The following MEIS2 variants were observed in gnomAD, a reference collection of about 807,000 sequenced individuals.
MEIS2 encodes the protein Meis homeobox 2, also known as homeobox protein Meis2.
A neutral mutation model predicts 58.6 loss-of-function variants in MEIS2; 9 were observed. The ratio of observed to expected loss-of-function variants is 0.15; its 90% confidence interval spans 0.09 to 0.27. MEIS2 has a LOEUF of 0.27. Among genes scored for constraint, MEIS2 ranks in the 10% least tolerant of loss-of-function variants. The pLI is 1.00. For synonymous variants in MEIS2, 221 were observed against 228.4 expected (o/e 0.97, Z 0.29); for missense variants, 427 against 635.0 (o/e 0.67, Z 3.52).
At chr15:36,908,523 A>AT (rs2056850925) in intron 9 of MEIS2, among the ~76,000 whole-genome samples, 1 of 152,208 alleles carries the variant, frequency 6.6e-6, no homozygotes, top group Admixed American at 6.5e-5. Flanking sequence ...ATTTGAAAGA[A>AT]TTTTTACAGC....
At chr15:37,009,941 G>A (rs543878840) in intron 8 of MEIS2, among the ~76,000 whole-genome samples, 2 of 152,272 alleles carry the variant, frequency 1.3e-5, no homozygotes, top group East Asian at 3.9e-4. Context: ...AATAAAAGCA[G>A]AATAAGTGAA....
chr15:37,099,141 G>A, intron 1 of MEIS2: 2 of 1,145,204 alleles, frequency 1.7e-6, no homozygotes, highest in Non-Finnish European at 2.1e-6. Context: ...GTAAAAGCTG[G>A]AGCGAGGCGA....
At chr15:37,098,462 T>G in intron 1 of MEIS2, 4 of 1,055,272 alleles carry the variant, frequency 3.8e-6, no homozygotes, top group East Asian at 3.4e-5. Flanking sequence ...AGGAGAAAAG[T>G]ACCGAGCACA....
chr15:37,083,806 T>C lies in MEIS2; in HGVS notation c.719A>G (p.His240Arg), dbSNP rs765363630. 3.1e-6 allele frequency: 5 copies of C among 1,614,044 alleles called. No homozygotes were observed. In the Admixed American group the frequency reaches 5.0e-5, roughly 16 times the overall value. ...GCTGTTGTCTCCGCTCTGGGAAGCA[T>C]GGCCCCCACTGGAGGGCCCTGGGGT... is the stretch of plus-strand genomic sequence containing the variant. ...AGTPGPSSGGHASQSGDNSSE... is the reference protein window; with the variant it reads ...AGTPGPSSGGRASQSGDNSSE... Residue 240 changes from histidine (H) to arginine (R), a missense_variant, in exon 7 of 12, where the codon CAT becomes CGT. Transcript: ENST00000561208.
chr15:36,949,931 C>T (rs1378935784), intron 9 of MEIS2, among the ~76,000 whole-genome samples: 2 of 151,892 alleles, frequency 1.3e-5, no homozygotes, highest in African/African-American at 2.4e-5. Context: ...ACAAAAGAAT[C>T]CTTTCCAGAA....
intron 8 of MEIS2, among the ~76,000 whole-genome samples, chr15:36,963,795 T>G (rs1431755922): frequency 6.6e-6 from 1 of 152,216 alleles, no homozygotes; most frequent in African/African-American, 2.4e-5. Flanking sequence ...AGATTGAAAT[T>G]AGCATTTTGG....
At chr15:36,996,325 G>A (rs1296028538) in intron 8 of MEIS2, among the ~76,000 whole-genome samples, 1 of 152,024 alleles carries the variant, frequency 6.6e-6, no homozygotes. Flanking sequence ...AGAATGTGGG[G>A]CAGCTTTGGG....
chr15:36,939,176 C>T (rs2058286163), intron 9 of MEIS2, among the ~76,000 whole-genome samples: 2 of 152,100 alleles, frequency 1.3e-5, no homozygotes, highest in South Asian at 2.1e-4. Flanking sequence ...TAATAGCTAC[C>T]CTCTCACCTC....
intron 8 of MEIS2, among the ~76,000 whole-genome samples, chr15:36,973,675 T>G (rs554226475): frequency 6.6e-6 from 1 of 152,076 alleles, no homozygotes. Flanking sequence ...TAATAAGAGT[T>G]GAAAAAATAA....
At chr15:36,933,523 T>C (rs922857414) in intron 9 of MEIS2, among the ~76,000 whole-genome samples, 4 of 151,818 alleles carry the variant, frequency 2.6e-5, no homozygotes, top group Admixed American at 1.3e-4. Flanking sequence ...GAGATAATCC[T>C]TTTTAATGAA....
intron 8 of MEIS2, among the ~76,000 whole-genome samples, chr15:36,951,709 T>C (rs1233510310): frequency 1.3e-5 from 2 of 152,140 alleles, no homozygotes; most frequent in Non-Finnish European, 2.9e-5. Flanking sequence ...CAAAGAAAGA[T>C]GATAATGTTG....
At chr15:37,019,324 G>C (rs945682604) in intron 8 of MEIS2, among the ~76,000 whole-genome samples, 1 of 151,986 alleles carries the variant, frequency 6.6e-6, no homozygotes, top group African/African-American at 2.4e-5. Flanking sequence ...GTGTAGAAGA[G>C]GCATAAGAAC....
At chr15:36,963,736 C>T (rs1365821401) in intron 8 of MEIS2, among the ~76,000 whole-genome samples, 1 of 152,090 alleles carries the variant, frequency 6.6e-6, no homozygotes, top group Non-Finnish European at 1.5e-5. Flanking sequence ...CTGCCTCATC[C>T]CAGGCGAGAT....
At chr15:37,055,977 A>G (rs918505338) in intron 7 of MEIS2, among the ~76,000 whole-genome samples, 4 of 152,226 alleles carry the variant, frequency 2.6e-5, no homozygotes, top group African/African-American at 4.8e-5. Flanking sequence ...ATCAGTGAAT[A>G]TCTTTATTAG....
At chr15:36,991,002 T>A (rs189868336) in intron 8 of MEIS2, among the ~76,000 whole-genome samples, 1 of 152,282 alleles carries the variant, frequency 6.6e-6, no homozygotes. Flanking sequence ...AGGGCATGTA[T>A]AACTATTTTT....
chr15:37,093,753 G>C (rs1893842353), intron 5 of MEIS2, 23 bp from the exon 6 acceptor site: 3 of 1,613,034 alleles, frequency 1.9e-6, no homozygotes, highest in Non-Finnish European at 2.5e-6. Flanking sequence ...TCATGGTGGA[G>C]GGTTTAGCTC....
chr15:36,943,391 T>C (rs2058442929), intron 9 of MEIS2, among the ~76,000 whole-genome samples: 1 of 152,138 alleles, frequency 6.6e-6, no homozygotes, highest in South Asian at 2.1e-4. Flanking sequence ...TGGAGTTTAT[T>C]GTCTCCATCA....
In MEIS2 at chr15:36,952,396, C is replaced by A. The variant is rs565584412; in HGVS notation, c.901-1996G>T. 2.9e-4 allele frequency among the ~76,000 whole-genome samples: 44 copies of A among 152,194 alleles called. No individual in the cohort carries two copies. In the Middle Eastern group the frequency reaches 0.01, roughly 35 times the overall value. ...ATTTACCCAACAGAAATATATTTTG[C>A]AAATAGCACAAATTAAAATGAAAAT... On this transcript the variant is annotated intron_variant, in intron 8 of 11. Transcript: ENST00000561208.
intron 9 of MEIS2, among the ~76,000 whole-genome samples, chr15:36,923,821 C>T (rs1250834155): frequency 2.0e-5 from 3 of 152,176 alleles, no homozygotes; most frequent in Non-Finnish European, 4.4e-5. Context: ...GCACAAAATA[C>T]CGTAGCTGTT....
Sources: allele counts gnomAD v4.1 joint callset (sites outside exome capture counted in the v4.1 genomes callset), GRCh38; gene constraint gnomAD v4.1.1; transcripts MANE v1.5; gene names NCBI Gene and HGNC (gene_info 2026-07-23, HGNC 2026-07-21).